TNIK: variants seen among roughly 807,000 people sequenced by gnomAD.
The protein encoded by TNIK is TRAF2 and NCK-interacting protein kinase.
A neutral mutation model predicts 191.3 loss-of-function variants in TNIK; 49 were observed. That is an observed-to-expected ratio of 0.26 (90% CI 0.20 to 0.32). The LOEUF is 0.32. Among genes scored for constraint, TNIK ranks in the 10% least tolerant of loss-of-function variants. The pLI, the probability that TNIK is intolerant of heterozygous loss-of-function variation, is 1.00. For missense variants in TNIK, 1,155 were observed against 1,702.3 expected (o/e 0.68, Z 5.66); for synonymous variants, 594 against 600.9 (o/e 0.99, Z 0.17).
intron 2 of TNIK, among the ~76,000 whole-genome samples, chr3:171,337,646 A>C (rs1757093183): frequency 6.6e-6 from 1 of 152,202 alleles, no homozygotes; most frequent in African/African-American, 2.4e-5. Context: ...TTACCTGCTG[A>C]CTGGATCTTC....
At chr3:171,234,991 C>T (rs1744087193) in intron 2 of TNIK, among the ~76,000 whole-genome samples, 1 of 152,208 alleles carries the variant, frequency 6.6e-6, no homozygotes, top group African/African-American at 2.4e-5. Context: ...ACAGAATTAC[C>T]ACAATCATCT....
At chr3:171,329,241 ATGT>A (rs1329717218) in intron 2 of TNIK, among the ~76,000 whole-genome samples, 3 of 152,182 alleles carry the variant, frequency 2.0e-5, no homozygotes, top group Non-Finnish European at 2.9e-5. Flanking sequence ...GCTCAAATAA[ATGT>A]TATTATCATT....
intron 12 of TNIK, among the ~76,000 whole-genome samples, chr3:171,146,080 T>C (rs890451570): frequency 6.6e-6 from 1 of 152,170 alleles, no homozygotes; most frequent in African/African-American, 2.4e-5. Flanking sequence ...ATGGACAACA[T>C]GAATCTCAAC....
chr3:171,452,765 CACACACAT>C (rs1378227470), intron 1 of TNIK, among the ~76,000 whole-genome samples: 3 of 147,414 alleles, frequency 2.0e-5, no homozygotes, highest in African/African-American at 7.9e-5. Context: ...CACACACACA[CACACACAT>C]ACGCCTTGCA....
At chr3:171,290,014 C>A (rs1006352066) in intron 2 of TNIK, among the ~76,000 whole-genome samples, 7 of 151,854 alleles carry the variant, frequency 4.6e-5, no homozygotes, top group Non-Finnish European at 1.0e-4. Flanking sequence ...TCAGTTTATT[C>A]CTCTGCACAG....
intron 1 of TNIK, among the ~76,000 whole-genome samples, chr3:171,453,463 A>G (rs1258381850): frequency 3.9e-5 from 6 of 152,064 alleles, no homozygotes; most frequent in Non-Finnish European, 5.9e-5. Flanking sequence ...CCCTGCCGCA[A>G]TGGGGGAGTG....
chr3:171,190,614 A>G (rs1205739002), intron 6 of TNIK, 83 bp downstream of exon 6: 3 of 1,089,296 alleles, frequency 2.8e-6, no homozygotes, highest in Non-Finnish European at 4.0e-6. Context: ...CCACGGTGAC[A>G]AATTAACATT....
At chr3:171,256,162 T>G (rs1381578365) in intron 2 of TNIK, among the ~76,000 whole-genome samples, 7 of 151,492 alleles carry the variant, frequency 4.6e-5, no homozygotes, top group Admixed American at 2.0e-4. Context: ...TGTTTCGGGG[T>G]TTTTCCAAGC....
intron 3 of TNIK, among the ~76,000 whole-genome samples, chr3:171,224,843 C>CA (rs1444996316): frequency 1.3e-5 from 2 of 152,142 alleles, no homozygotes; most frequent in Non-Finnish European, 2.9e-5. Flanking sequence ...ATAAGATCTT[C>CA]AAGGCCTACT....
rs1717796788 is a variant in TNIK at position 171,061,217 on chromosome 3, C to T, written c.*2664G>A. The T allele has an allele frequency of 6.6e-6, 1 of 152,106 alleles. No homozygotes were observed. Among genetic ancestry groups the T allele is most frequent in the Non-Finnish European group, 1.5e-5 (1 of 68,028 alleles). 9.4% of individuals were successfully genotyped at this position (152,106 alleles called of 1,614,324 possible). On this transcript the variant is annotated 3_prime_UTR_variant, in exon 33 of 33. Coordinates refer to ENST00000436636, the MANE Select transcript of TNIK (RefSeq NM_015028.4). ...GAAAATTTATTTTTGAAGATAAAAGCTTCAGTGAATTCTTTAAATATCTGT... is the reference window on the plus strand; with the variant it reads ...GAAAATTTATTTTTGAAGATAAAAGTTTCAGTGAATTCTTTAAATATCTGT...
At chr3:171,340,513 T>G (rs9861833) in intron 2 of TNIK, among the ~76,000 whole-genome samples, 3,273 of 152,328 alleles carry the variant, frequency 0.021, 133 homozygotes, top group African/African-American at 0.076. Flanking sequence ...ATCTACAGAC[T>G]GAAGTAGGGT....
chr3:171,190,442 GC>G (rs530774064), intron 6 of TNIK, among the ~76,000 whole-genome samples: 139 of 152,180 alleles, frequency 9.1e-4, no homozygotes, highest in African/African-American at 3.2e-3. Flanking sequence ...TCTAATCTCT[GC>G]TGAAACAAAA....
intron 2 of TNIK, among the ~76,000 whole-genome samples, chr3:171,248,909 T>C (rs1745915226): frequency 6.6e-6 from 1 of 152,252 alleles, no homozygotes; most frequent in Non-Finnish European, 1.5e-5. Flanking sequence ...TTTTACTTGG[T>C]ACCTTTTTCT....
chr3:171,314,301 T>A (rs1754361049), intron 2 of TNIK, among the ~76,000 whole-genome samples: 1 of 152,120 alleles, frequency 6.6e-6, no homozygotes. Context: ...TATCTGGCCT[T>A]CCCCCTCTGC....
intron 2 of TNIK, among the ~76,000 whole-genome samples, chr3:171,292,174 G>T (rs1751761243): frequency 6.6e-6 from 1 of 151,980 alleles, no homozygotes; most frequent in Admixed American, 6.6e-5. Flanking sequence ...AGTTGCTTTA[G>T]AATCATTTTC....
intron 21 of TNIK, 97 bp from the exon 22 acceptor site, chr3:171,101,730 A>C (rs961111447): frequency 7.9e-7 from 1 of 1,262,740 alleles, no homozygotes; most frequent in African/African-American, 1.5e-5. Context: ...ACAAGAAAAA[A>C]AAAAGCTCTA....
intron 12 of TNIK, among the ~76,000 whole-genome samples, chr3:171,149,049 AAAC>A (rs1467018239): frequency 6.6e-6 from 1 of 152,254 alleles, no homozygotes; most frequent in Non-Finnish European, 1.5e-5. Flanking sequence ...TTACTAAAGA[AAAC>A]AAGAATCAAA....
At chr3:171,194,030 A>T (rs1319852170) in intron 5 of TNIK, among the ~76,000 whole-genome samples, 1 of 152,180 alleles carries the variant, frequency 6.6e-6, no homozygotes, top group East Asian at 1.9e-4. Context: ...AATCGGTTAA[A>T]CTAGGTTGTA....
At chr3:171,379,665 C>T (rs1418046387) in intron 1 of TNIK, among the ~76,000 whole-genome samples, 1 of 152,212 alleles carries the variant, frequency 6.6e-6, no homozygotes, top group Non-Finnish European at 1.5e-5. Flanking sequence ...GGATAGCTCT[C>T]TCCATCACCT....
Sources: allele counts gnomAD v4.1 joint callset (sites outside exome capture counted in the v4.1 genomes callset), GRCh38; gene constraint gnomAD v4.1.1; transcripts MANE v1.5; gene names NCBI Gene and HGNC (gene_info 2026-07-23, HGNC 2026-07-21).